The following PCDH15 variants were observed in gnomAD, a reference collection of about 807,000 sequenced individuals.
PCDH15 encodes protocadherin related 15.
In PCDH15, 129 loss-of-function variants were observed where a neutral mutation model predicts 178.5. That is an observed-to-expected ratio of 0.72 (90% CI 0.63 to 0.84). The LOEUF (loss-of-function observed/expected upper bound fraction) is 0.84. Among genes scored for constraint, PCDH15 ranks in the 40% least tolerant of loss-of-function variants. PCDH15 has a pLI of 0.00. For missense variants in PCDH15, 2,230 were observed against 2,099.9 expected (o/e 1.06, Z -1.21); for synonymous variants, 800 against 732.0 (o/e 1.09, Z -1.50).
chr10:53,970,504 T>A (rs1337861820), intron 21 of PCDH15, among the ~76,000 whole-genome samples: 1 of 151,556 alleles, frequency 6.6e-6, no homozygotes, highest in East Asian at 1.9e-4. Flanking sequence ...CAGGAGCTGT[T>A]TTTTTTTAAA....
upstream of PCDH15, among the ~76,000 whole-genome samples, chr10:55,322,182 G>A (rs571344443): frequency 9.2e-5 from 14 of 152,220 alleles, no homozygotes; most frequent in Admixed American, 1.3e-4. Flanking sequence ...TTATAAATGC[G>A]AACTCCCCTA....
chr10:53,902,185 A>G (rs1335848938), intron 26 of PCDH15, among the ~76,000 whole-genome samples: 1 of 152,178 alleles, frequency 6.6e-6, no homozygotes, highest in Non-Finnish European at 1.5e-5. Context: ...TGAATGACAG[A>G]TTTGTGGACT....
At chr10:54,643,333 A>T (rs115705204) in intron 2 of PCDH15, among the ~76,000 whole-genome samples, 2,722 of 152,266 alleles carry the variant, frequency 0.018, 45 homozygotes, top group African/African-American at 0.039. Flanking sequence ...CTAAACCTCA[A>T]CTCTGAAAGG....
intron 2 of PCDH15, among the ~76,000 whole-genome samples, chr10:55,507,723 T>TAA (rs71014497): frequency 6.6e-6 from 1 of 151,114 alleles, no homozygotes; most frequent in Admixed American, 6.6e-5. Flanking sequence ...ATTCGTATAA[T>TAA]TTGACATCTT....
chr10:55,292,978 G>A (rs537223873), intron 1 of PCDH15, among the ~76,000 whole-genome samples: 55 of 152,258 alleles, frequency 3.6e-4, no homozygotes, highest in African/African-American at 1.2e-3. Flanking sequence ...TGGGGGCTCC[G>A]ACTCCATATT....
chr10:54,281,251 A>G (rs1413864999), intron 8 of PCDH15, among the ~76,000 whole-genome samples: 1 of 151,908 alleles, frequency 6.6e-6, no homozygotes, highest in Non-Finnish European at 1.5e-5. Context: ...CCTTAAAAAC[A>G]TTTGCTATGG....
chr10:55,536,569 A>G (rs1841582011), intron 2 of PCDH15, among the ~76,000 whole-genome samples: 1 of 152,168 alleles, frequency 6.6e-6, no homozygotes, highest in South Asian at 2.1e-4. Context: ...AGCTCACAGA[A>G]GACATACGCA....
chr10:54,176,594 T>G (rs1046711092), intron 13 of PCDH15, among the ~76,000 whole-genome samples: 4 of 152,112 alleles, frequency 2.6e-5, no homozygotes, highest in Admixed American at 2.0e-4. Flanking sequence ...ACAAATATAT[T>G]TAAGAGTATT....
chr10:55,583,266 C>T (rs2132123017), intron 2 of PCDH15, among the ~76,000 whole-genome samples: 1 of 152,098 alleles, frequency 6.6e-6, no homozygotes, highest in Non-Finnish European at 1.5e-5. Flanking sequence ...AATATTGAGG[C>T]CACAGATTAA....
At chr10:54,657,362 G>A (rs1425933697) in intron 2 of PCDH15, among the ~76,000 whole-genome samples, 2 of 152,156 alleles carry the variant, frequency 1.3e-5, no homozygotes, top group African/African-American at 2.4e-5. Context: ...CACCTGTCAG[G>A]GTGGGTGCCT....
intron 2 of PCDH15, among the ~76,000 whole-genome samples, chr10:54,617,499 A>G (rs1398159094): frequency 6.6e-6 from 1 of 152,036 alleles, no homozygotes; most frequent in Admixed American, 6.6e-5. Flanking sequence ...AAGGTCTTCT[A>G]TACAGCTAAA....
intron 2 of PCDH15, among the ~76,000 whole-genome samples, chr10:55,033,246 G>A (rs1176362878): frequency 1.3e-5 from 2 of 152,140 alleles, no homozygotes; most frequent in Non-Finnish European, 2.9e-5. Flanking sequence ...ACCCACTAGG[G>A]CAATGATTGA....
chr10:54,318,153 T>G (rs186147305), intron 7 of PCDH15, among the ~76,000 whole-genome samples: 1 of 152,326 alleles, frequency 6.6e-6, no homozygotes, highest in Admixed American at 6.5e-5. Flanking sequence ...GGGGGCCATC[T>G]CTTTGAAATG....
chr10:54,316,008 T>C (rs956619688), intron 8 of PCDH15, among the ~76,000 whole-genome samples: 3 of 151,578 alleles, frequency 2.0e-5, no homozygotes, highest in African/African-American at 7.3e-5. Context: ...TTCAACAAAA[T>C]AACATAATGG....
At chr10:54,359,224 T>C (rs945266677) in intron 5 of PCDH15, among the ~76,000 whole-genome samples, 2 of 151,936 alleles carry the variant, frequency 1.3e-5, no homozygotes, top group African/African-American at 2.4e-5. Flanking sequence ...TATATGTACA[T>C]AGTGCTCTAA....
At chr10:55,070,761 C>T (rs1229095093) in intron 2 of PCDH15, among the ~76,000 whole-genome samples, 1 of 152,044 alleles carries the variant, frequency 6.6e-6, no homozygotes, top group Non-Finnish European at 1.5e-5. Context: ...GTGATGTGGG[C>T]TCTTTTTTGG....
intron 8 of PCDH15, among the ~76,000 whole-genome samples, chr10:54,293,400 G>C (rs1564886131): frequency 6.6e-6 from 1 of 152,124 alleles, no homozygotes; most frequent in Admixed American, 6.6e-5. Flanking sequence ...TCAGGACATA[G>C]GCATAGGCAA....
chr10:54,517,241 C>G (rs1196455654), intron 3 of PCDH15, among the ~76,000 whole-genome samples: 1 of 152,234 alleles, frequency 6.6e-6, no homozygotes, highest in East Asian at 1.9e-4. Flanking sequence ...GGGCTAAATG[C>G]TCCAATTAAA....
intron 18 of PCDH15, among the ~76,000 whole-genome samples, chr10:54,026,709 T>A (rs2093107969): frequency 6.6e-6 from 1 of 152,202 alleles, no homozygotes; most frequent in East Asian, 1.9e-4. Flanking sequence ...TGACAGTAGA[T>A]GCAGAAAAAG....
Sources: gnomAD v4.1 joint callset for allele counts (sites outside exome capture counted in the v4.1 genomes callset) on GRCh38, gnomAD v4.1.1 for gene constraint, MANE v1.5 for transcripts, NCBI Gene and HGNC (gene_info 2026-07-23, HGNC 2026-07-21) for gene names.